Variants in SLC22A25 observed in about 807,000 individuals in gnomAD.
SLC22A25 encodes the protein solute carrier family 22 member 25.
SLC22A25 carries 44 observed loss-of-function variants against 45.9 expected under a neutral mutation model. The observed-to-expected ratio is 0.96, with a 90% CI of 0.75 to 1.23. The LOEUF (loss-of-function observed/expected upper bound fraction) is 1.23. SLC22A25 is among the 50% of genes most tolerant of loss of function. The probability of loss-of-function intolerance (pLI) is 0.00; values close to 1 mark genes in which losing one functional copy is unlikely to be tolerated. For synonymous variants in SLC22A25, 283 were observed against 238.6 expected (o/e 1.19, Z -1.72); for missense variants, 800 against 666.4 (o/e 1.20, Z -2.21).
chr11:63,232,694 G>A (rs1048804156), intron 3 of SLC22A25, among the ~76,000 whole-genome samples: 9 of 152,130 alleles, frequency 5.9e-5, no homozygotes, highest in Non-Finnish European at 1.2e-4. Flanking sequence ...GTGAGAGAGG[G>A]CACCCCTGTA....
In SLC22A25 at chr11:63,228,463, G is replaced by A. The variant is rs746286272; in HGVS notation, c.504C>T (p.Asp168=). ...VGGNLYGHLS[D]RFGRKFVLRW... ...AGCTATGCTCCATAGACACTCACCTGTCTGACAAATGGCCATATAGGTTGC... is the reference window on the plus strand; with the variant it reads ...AGCTATGCTCCATAGACACTCACCTATCTGACAAATGGCCATATAGGTTGC... The change falls in exon 5 of 12, where the codon GAC becomes GAT. Residue 168 remains aspartate (D), a splice_region_variant and synonymous_variant. Coordinates refer to ENST00000306494, the MANE Select transcript of SLC22A25 (RefSeq NM_199352.6). 8.7e-6 allele frequency: 14 copies of A among 1,604,962 alleles called. No individual in the cohort carries two copies. Among genetic ancestry groups the A allele is most frequent in the African/African-American group, 2.7e-5 (2 of 74,746 alleles).
Position 63,229,363 on chromosome 11 carries a change from T to G in SLC22A25, c.290A>C (p.Lys97Thr), listed in dbSNP as rs1183874270. ...GAAGGTCCCATTCAGATGAATGAGC[T>G]TCCACTGGGGATGGACAAAGCGACG... ...KCRRFVHPQW[K>T]LIHLNGTFPN... The change falls in exon 4 of 12, where the codon AAG (lysine) becomes ACG (threonine). Residue 97 changes from lysine (K) to threonine (T), a missense_variant. Coordinates refer to ENST00000306494, the MANE Select transcript of SLC22A25 (RefSeq NM_199352.6). 3 of 1,614,064 alleles carry G rather than the reference T, an allele frequency of 1.9e-6. No homozygotes were observed. Among genetic ancestry groups the G allele is most frequent in the Non-Finnish European group, 2.5e-6 (3 of 1,179,956 alleles).
chr11:63,185,734 C>A (rs558874264), intron 7 of SLC22A25, among the ~76,000 whole-genome samples: 1 of 141,106 alleles, frequency 7.1e-6, no homozygotes, highest in South Asian at 2.4e-4. Flanking sequence ...TGATATTCCC[C>A]TTCCTGTGTC....
chr11:63,169,243 A>G lies in SLC22A25; in HGVS notation c.1071-2985T>C, dbSNP rs113893820. Reference sequence around the variant, plus strand: ...CCAAAATATAAAGACCAATGATGCTATGTAGAAACTGCATCAACTAATGTG... The same window carrying G: ...CCAAAATATAAAGACCAATGATGCTGTGTAGAAACTGCATCAACTAATGTG... On this transcript the variant is annotated intron_variant, in intron 9 of 11. Transcript: ENST00000306494. 6.6e-5 allele frequency among the ~76,000 whole-genome samples: 10 copies of G among 152,346 alleles called. 1 individual carries two copies. The highest frequency in any genetic ancestry group is 2.2e-4 in the African/African-American group (9 of 41,588).
At chr11:63,237,064 T>C (rs1003247821) in intron 3 of SLC22A25, among the ~76,000 whole-genome samples, 4 of 152,216 alleles carry the variant, frequency 2.6e-5, no homozygotes, top group African/African-American at 9.6e-5. Flanking sequence ...ATTGCTATTG[T>C]GATTGTATTA....
In SLC22A25 at chr11:63,233,594, A is replaced by G. The variant is rs189931462; in HGVS notation, c.-444-3498T>C. ...ATCTTTTCAAAAAACCAGCTCCTGG[A>G]TTCATTGATTTTTTGAAGGGTTTTT... On this transcript the variant is annotated intron_variant, in intron 3 of 11. Coordinates refer to ENST00000306494, the MANE Select transcript of SLC22A25 (RefSeq NM_199352.6). Among the ~76,000 whole-genome samples, 671 of 152,148 alleles carry G rather than the reference A, an allele frequency of 4.4e-3. 8 individuals carry two copies. Among genetic ancestry groups the G allele is most frequent in the African/African-American group, 0.015 (637 of 41,496 alleles).
intron 7 of SLC22A25, among the ~76,000 whole-genome samples, chr11:63,185,718 A>G (rs1443365827): frequency 1.1e-5 from 1 of 94,660 alleles, no homozygotes; most frequent in Admixed American, 1.5e-4. Flanking sequence ...CACAGTCCCC[A>G]TAGTGTGATA....
rs141444754 is a variant in SLC22A25 at position 63,190,373 on chromosome 11, C to T, written c.831-6556G>A. On this transcript the variant is annotated intron_variant, in intron 7 of 11. Coordinates refer to ENST00000306494, the MANE Select transcript of SLC22A25 (RefSeq NM_199352.6). ...GCTTGTGCATTCATCATGTAGTTCT[C>T]GTGTCGTGGTTTTCAGCTCCATCAA... Among the ~76,000 whole-genome samples the T allele has an allele frequency of 5.2e-3, 795 of 152,152 alleles. 12 individuals are homozygous for T. The highest frequency in any genetic ancestry group is 0.018 in the African/African-American group (765 of 41,514).
intron 5 of SLC22A25, chr11:63,219,808 G>T: frequency 1.3e-6 from 1 of 756,784 alleles, no homozygotes. Flanking sequence ...TGGTTTATCT[G>T]CATTTTCTCA....
intron 7 of SLC22A25, among the ~76,000 whole-genome samples, chr11:63,184,544 A>G (rs2088450637): frequency 6.6e-6 from 1 of 152,186 alleles, no homozygotes; most frequent in African/African-American, 2.4e-5. Flanking sequence ...TAGAAGGAAG[A>G]GAGAGCACAG....
chr11:63,243,502 G>A lies in SLC22A25; in HGVS notation c.-1064C>T. On this transcript the variant is annotated 5_prime_UTR_variant, in exon 1 of 12. Coordinates refer to ENST00000306494, the MANE Select transcript of SLC22A25 (RefSeq NM_199352.6). ...TGCAACTCCTGGGTGCTGTCTGCATGTTCCTGGCCTCCAGGCTCAAAGAGT... is the reference window on the plus strand; with the variant it reads ...TGCAACTCCTGGGTGCTGTCTGCATATTCCTGGCCTCCAGGCTCAAAGAGT... The A allele has an allele frequency of 1.3e-6, 1 of 762,838 alleles. No homozygotes were observed. Among genetic ancestry groups the A allele is most frequent in the Non-Finnish European group, 2.5e-6 (1 of 407,784 alleles). The allele number at this position is 762,838 out of a possible 1,614,324, so 47.3% of individuals were successfully genotyped here.
chr11:63,243,242 C>G, intron 1 of SLC22A25, 192 bp downstream of exon 1: 1 of 337,840 alleles, frequency 3.0e-6, no homozygotes, highest in South Asian at 3.1e-5. Flanking sequence ...GCCATCCAGC[C>G]GTACATGCAC....
At chr11:63,180,123 T>A (rs1207293729) in intron 9 of SLC22A25, among the ~76,000 whole-genome samples, 1 of 152,166 alleles carries the variant, frequency 6.6e-6, no homozygotes, top group East Asian at 1.9e-4. Flanking sequence ...CAATGTCTTG[T>A]CTCAGTTTTG....
intron 3 of SLC22A25, among the ~76,000 whole-genome samples, chr11:63,236,752 C>G (rs183115994): frequency 1.3e-5 from 2 of 152,264 alleles, no homozygotes; most frequent in African/African-American, 4.8e-5. Flanking sequence ...CATCGCTGAC[C>G]CTGGGAGCTG....
At chr11:63,175,871 T>C (rs543286220) in intron 9 of SLC22A25, among the ~76,000 whole-genome samples, 1 of 151,952 alleles carries the variant, frequency 6.6e-6, no homozygotes, top group Admixed American at 6.6e-5. Flanking sequence ...CCTTTCCTTA[T>C]AGCACATAAC....
chr11:63,185,893 A>G (rs1222466497), intron 7 of SLC22A25, among the ~76,000 whole-genome samples: 2 of 149,856 alleles, frequency 1.3e-5, no homozygotes, highest in Non-Finnish European at 3.0e-5. Context: ...TTATGGCTGC[A>G]TAGTATTCCA....
chr11:63,179,036 A>G (rs2088221361), intron 9 of SLC22A25, among the ~76,000 whole-genome samples: 1 of 151,708 alleles, frequency 6.6e-6, no homozygotes, highest in African/African-American at 2.4e-5. Flanking sequence ...ATCTTGGCTC[A>G]CTGCAACCTC....
At chr11:63,181,960 G>T (rs1317311962) in intron 8 of SLC22A25, among the ~76,000 whole-genome samples, 1 of 152,044 alleles carries the variant, frequency 6.6e-6, no homozygotes, top group African/African-American at 2.4e-5. Context: ...GGAGATGAAT[G>T]TTACGTACTG....
At chr11:63,232,108 C>T (rs2090079842) in intron 3 of SLC22A25, among the ~76,000 whole-genome samples, 2 of 152,096 alleles carry the variant, frequency 1.3e-5, no homozygotes, top group Admixed American at 1.3e-4. Flanking sequence ...ATTGACTTGG[C>T]AATGCGGGCT....
Sources: gnomAD v4.1 joint callset for allele counts (sites outside exome capture counted in the v4.1 genomes callset) on GRCh38, gnomAD v4.1.1 for gene constraint, MANE v1.5 for transcripts, NCBI Gene and HGNC (gene_info 2026-07-23, HGNC 2026-07-21) for gene names.